Variants in TMEM39A observed in about 807,000 individuals in gnomAD.
The protein encoded by TMEM39A is suppressor of SQST-1 aggregates in rpl-43 mutants.
A neutral mutation model predicts 51.9 loss-of-function variants in TMEM39A; 19 were observed. The ratio of observed to expected loss-of-function variants is 0.37; its 90% CI spans 0.26 to 0.54. The LOEUF is 0.54. Ranked by LOEUF, TMEM39A falls within the 20% of genes least tolerant of loss-of-function variation. The pLI is 0.88. For synonymous variants in TMEM39A, 197 were observed against 220.2 expected (o/e 0.89, Z 0.93); for missense variants, 433 against 590.5 (o/e 0.73, Z 2.76).
chr3:119,442,967 G>A (rs2081074989), intron 5 of TMEM39A, among the ~76,000 whole-genome samples: 1 of 151,042 alleles, frequency 6.6e-6, no homozygotes, highest in African/African-American at 2.4e-5. Context: ...TTGAGAGGCT[G>A]AGGTGGGAGG....
intron 5 of TMEM39A, among the ~76,000 whole-genome samples, chr3:119,442,601 T>C (rs1389612130): frequency 6.6e-6 from 1 of 152,224 alleles, no homozygotes; most frequent in East Asian, 1.9e-4. Flanking sequence ...CCATGCTAAA[T>C]GCCATTGAGA....
At chr3:119,442,650 C>T (rs1298399349) in intron 5 of TMEM39A, among the ~76,000 whole-genome samples, 5 of 152,258 alleles carry the variant, frequency 3.3e-5, no homozygotes, top group East Asian at 1.9e-4. Flanking sequence ...AATATCAACA[C>T]GAGCAAATGT....
intron 6 of TMEM39A, 152 bp downstream of exon 6, chr3:119,437,603 G>C (rs1251994098): frequency 4.1e-6 from 2 of 489,704 alleles, no homozygotes; most frequent in Non-Finnish European, 7.1e-6. Context: ...CGCCAACCAG[G>C]AGCGGTATTA....
intron 2 of TMEM39A, among the ~76,000 whole-genome samples, chr3:119,460,802 A>C (rs2107693705): frequency 6.6e-6 from 1 of 151,664 alleles, no homozygotes; most frequent in South Asian, 2.1e-4. Context: ...TTTCTATCAC[A>C]ATTTGAAAGT....
chr3:119,432,750 T>A (rs996580997), intron 8 of TMEM39A, among the ~76,000 whole-genome samples: 1 of 152,096 alleles, frequency 6.6e-6, no homozygotes, highest in Non-Finnish European at 1.5e-5. Context: ...ATGAATACAA[T>A]AGTTTCTTAG....
intron 4 of TMEM39A, among the ~76,000 whole-genome samples, chr3:119,449,998 A>C (rs2081178048): frequency 1.3e-5 from 2 of 152,210 alleles, no homozygotes; most frequent in South Asian, 4.1e-4. Flanking sequence ...CCTTTCTGTG[A>C]TATATGCAAA....
At chr3:119,435,758 C>A in intron 7 of TMEM39A, 1 of 1,099,492 alleles carries the variant, frequency 9.1e-7, no homozygotes. Context: ...CACTTACCAG[C>A]ATTAAAGTGA....
chr3:119,439,828 C>T (rs1024910354), intron 5 of TMEM39A, among the ~76,000 whole-genome samples: 3 of 151,778 alleles, frequency 2.0e-5, no homozygotes, highest in Admixed American at 6.6e-5. Context: ...AGTACAGTAG[C>T]GAGATTACGG....
intron 5 of TMEM39A, among the ~76,000 whole-genome samples, chr3:119,445,501 G>A (rs2081112783): frequency 1.3e-5 from 2 of 152,182 alleles, no homozygotes; most frequent in African/African-American, 4.8e-5. Context: ...CTAACCTCAG[G>A]TGATCTGCCC....
intron 5 of TMEM39A, among the ~76,000 whole-genome samples, chr3:119,443,607 G>C (rs1017402915): frequency 2.0e-5 from 3 of 152,100 alleles, no homozygotes; most frequent in African/African-American, 4.8e-5. Context: ...ATGCTATTAT[G>C]TACTTAATAG....
rs904315278 is a variant in TMEM39A at position 119,457,382 on chromosome 3, T to C, written c.336+636A>G. Among the ~76,000 whole-genome samples the C allele has an allele frequency of 1.9e-4, 29 of 152,342 alleles. 1 individual carries two copies. Among genetic ancestry groups the C allele is most frequent in the South Asian group, 2.1e-4 (1 of 4,830 alleles). On this transcript the variant is annotated intron_variant, in intron 3 of 8. Coordinates refer to ENST00000319172, the MANE Select transcript of TMEM39A (RefSeq NM_018266.3). Reference sequence around the variant, plus strand: ...AATTTCACTTCCCAATTTCCCAATTTGATTTAAGTTCACTATGTACCCAGC... The same window carrying C: ...AATTTCACTTCCCAATTTCCCAATTCGATTTAAGTTCACTATGTACCCAGC...
intron 1 of TMEM39A, among the ~76,000 whole-genome samples, chr3:119,463,097 A>AG (rs2081361838): frequency 1.3e-5 from 2 of 152,234 alleles, no homozygotes; most frequent in Admixed American, 1.3e-4. Context: ...CGCTGGATGC[A>AG]GGGGCTGCTG....
At chr3:119,457,281 T>A (rs2081278867) in intron 3 of TMEM39A, among the ~76,000 whole-genome samples, 1 of 152,218 alleles carries the variant, frequency 6.6e-6, no homozygotes, top group African/African-American at 2.4e-5. Context: ...ATCATGGTAC[T>A]CTTAATAAAT....
At chr3:119,452,730 A>T (rs985004638) in intron 3 of TMEM39A, among the ~76,000 whole-genome samples, 200 bp from the exon 4 acceptor site, 2 of 152,232 alleles carry the variant, frequency 1.3e-5, no homozygotes, top group Non-Finnish European at 2.9e-5. Context: ...AAGTTTTTAA[A>T]CACTATTTTA....
intron 4 of TMEM39A, chr3:119,451,397 C>G: frequency 1.2e-6 from 1 of 848,666 alleles, no homozygotes; most frequent in Non-Finnish European, 1.7e-6. Context: ...AAATTTCACA[C>G]TGAATTATAA....
intron 7 of TMEM39A, chr3:119,435,397 A>C: frequency 1.0e-6 from 1 of 985,320 alleles, no homozygotes; most frequent in Non-Finnish European, 1.2e-6. Flanking sequence ...CACAACTGTA[A>C]GAAGATATAC....
At chr3:119,435,213 T>C in intron 7 of TMEM39A, 1 of 985,362 alleles carries the variant, frequency 1.0e-6, no homozygotes, top group Non-Finnish European at 1.2e-6. Flanking sequence ...CCATCCCAAG[T>C]GAGCAGAGTC....
intron 7 of TMEM39A, chr3:119,435,546 G>A (rs973425601): frequency 1.4e-5 from 14 of 984,308 alleles, no homozygotes; most frequent in Non-Finnish European, 1.7e-5. Flanking sequence ...TGGAGTTTGG[G>A]TGGGGACAGG....
chr3:119,440,645 A>T lies in TMEM39A; in HGVS notation c.576-2542T>A, dbSNP rs79608556. On this transcript the variant is annotated intron_variant, in intron 5 of 8. Coordinates refer to ENST00000319172, the MANE Select transcript of TMEM39A (RefSeq NM_018266.3). ...AAGGGCCTCTTTCTTAGTTTAACCTATGAATAAACAGGAAATTAAACATGT... is the reference window on the plus strand; with the variant it reads ...AAGGGCCTCTTTCTTAGTTTAACCTTTGAATAAACAGGAAATTAAACATGT... Among the ~76,000 whole-genome samples the T allele has an allele frequency of 7.8e-3, 1,184 of 152,334 alleles. 20 individuals are homozygous for T. Among genetic ancestry groups the T allele is most frequent in the South Asian group, 0.072 (345 of 4,820 alleles).
Sources: gnomAD v4.1 joint callset for allele counts (sites outside exome capture counted in the v4.1 genomes callset) on GRCh38, gnomAD v4.1.1 for gene constraint, MANE v1.5 for transcripts, NCBI Gene and HGNC (gene_info 2026-07-23, HGNC 2026-07-21) for gene names.